HCRTR2: variants seen among roughly 807,000 people sequenced by gnomAD.
HCRTR2 encodes orexin receptor type 2.
HCRTR2 carries 22 observed loss-of-function variants against 49.0 expected under a neutral mutation model. The observed-to-expected ratio is 0.45, with a 90% CI of 0.32 to 0.64. The LOEUF (loss-of-function observed/expected upper bound fraction) is 0.64. HCRTR2 is among the 30% of genes least tolerant of loss of function. The probability of loss-of-function intolerance (pLI) is 0.04; values close to 1 mark genes in which losing one functional copy is unlikely to be tolerated. For missense variants in HCRTR2, 491 were observed against 559.4 expected (o/e 0.88, Z 1.23); for synonymous variants, 236 against 205.3 (o/e 1.15, Z -1.28).
intron 4 of HCRTR2, among the ~76,000 whole-genome samples, chr6:55,265,453 T>C (rs1766844026): frequency 6.6e-6 from 1 of 152,128 alleles, no homozygotes; most frequent in South Asian, 2.1e-4. Flanking sequence ...CAGAACCTAG[T>C]CTGAAGAAAT....
At chr6:55,152,448 T>C (rs1764676285) in intron 1 of HCRTR2, among the ~76,000 whole-genome samples, 1 of 152,070 alleles carries the variant, frequency 6.6e-6, no homozygotes, top group Non-Finnish European at 1.5e-5. Flanking sequence ...TCTTTTGCTA[T>C]AGAGTTGTAG....
chr6:55,275,303 T>C (rs1011354339), intron 4 of HCRTR2, among the ~76,000 whole-genome samples: 4 of 152,212 alleles, frequency 2.6e-5, no homozygotes, highest in Non-Finnish European at 2.9e-5. Context: ...TTAATCCTTC[T>C]CAGTGCCTGC....
chr6:55,161,099 C>G (rs556872709), intron 1 of HCRTR2, among the ~76,000 whole-genome samples: 1 of 152,214 alleles, frequency 6.6e-6, no homozygotes, highest in African/African-American at 2.4e-5. Context: ...GACTCCTCAG[C>G]AAATGCCAAA....
At chr6:55,191,893 A>G (rs1765322278) in intron 1 of HCRTR2, among the ~76,000 whole-genome samples, 1 of 152,154 alleles carries the variant, frequency 6.6e-6, no homozygotes, top group Non-Finnish European at 1.5e-5. Flanking sequence ...TTTCTTCAAT[A>G]TATTGGAGTT....
At chr6:55,174,022 G>T (rs1764989261), upstream of HCRTR2, among the ~76,000 whole-genome samples, 1 of 152,026 alleles carries the variant, frequency 6.6e-6, no homozygotes, top group Non-Finnish European at 1.5e-5. Flanking sequence ...GTATCAACAT[G>T]CTCTGTATTA....
At chr6:55,128,146 C>A (rs531449896) in intron 1 of HCRTR2, among the ~76,000 whole-genome samples, 1 of 152,272 alleles carries the variant, frequency 6.6e-6, no homozygotes, top group East Asian at 1.9e-4. Flanking sequence ...ATATGGCTGG[C>A]TAGTTATCCC....
intron 1 of HCRTR2, among the ~76,000 whole-genome samples, chr6:55,119,068 G>C (rs1289482593): frequency 6.6e-6 from 1 of 151,890 alleles, no homozygotes; most frequent in East Asian, 1.9e-4. Context: ...TTAGTTTACT[G>C]AGAATGATGG....
At chr6:55,277,749 C>G in intron 5 of HCRTR2, 149 bp downstream of exon 5, 1 of 683,918 alleles carries the variant, frequency 1.5e-6, no homozygotes, top group South Asian at 1.7e-5. Flanking sequence ...TATGTTGTTA[C>G]CAGCAGGTAA....
Position 55,174,637 on chromosome 6 carries a change from C to G in HCRTR2, c.50C>G (p.Ser17Cys). ...TCCCCCCCTTGTCGCAACTGGTCATCTGCTTCGGAGCTGAATGAAACTCAA... is the reference window on the plus strand; with the variant it reads ...TCCCCCCCTTGTCGCAACTGGTCATGTGCTTCGGAGCTGAATGAAACTCAA... Reference protein sequence around the residue: ...EDSPPCRNWSSASELNETQEP... With the variant: ...EDSPPCRNWSCASELNETQEP... The change falls in exon 1 of 7, where the codon TCT (serine) becomes TGT (cysteine). Residue 17 changes from serine (S) to cysteine (C), a missense_variant. Physicochemically the swap from Ser to Cys is moderately radical, Grantham distance 112 (BLOSUM62 -1). Coordinates refer to ENST00000370862, the MANE Select transcript of HCRTR2 (RefSeq NM_001384272.1). The G allele has an allele frequency of 6.2e-7, 1 of 1,614,098 alleles. No individual in the cohort carries two copies. Among genetic ancestry groups the G allele is most frequent in the East Asian group, 2.2e-5 (1 of 44,860 alleles).
chr6:55,226,370 A>G (rs1041802940), intron 1 of HCRTR2, among the ~76,000 whole-genome samples: 5 of 151,906 alleles, frequency 3.3e-5, no homozygotes, highest in Admixed American at 3.3e-4. Flanking sequence ...GTGCAATGGT[A>G]CCATTTCAGC....
chr6:55,253,303 G>C (rs1258817125), intron 2 of HCRTR2, among the ~76,000 whole-genome samples: 1 of 152,062 alleles, frequency 6.6e-6, no homozygotes, highest in Non-Finnish European at 1.5e-5. Context: ...ATCAGAGAGA[G>C]AGAACAGATA....
intron 1 of HCRTR2, among the ~76,000 whole-genome samples, chr6:55,197,846 C>A (rs1765445310): frequency 6.6e-6 from 1 of 152,054 alleles, no homozygotes; most frequent in Non-Finnish European, 1.5e-5. Flanking sequence ...TGGTCTCAAT[C>A]CCCTGACCTT....
At chr6:55,121,731 G>T (rs1764202651) in intron 1 of HCRTR2, among the ~76,000 whole-genome samples, 1 of 152,088 alleles carries the variant, frequency 6.6e-6, no homozygotes, top group Admixed American at 6.6e-5. Flanking sequence ...TGTGGTTTTT[G>T]TCTTTGGTTC....
chr6:55,241,039 T>C (rs925329691), intron 1 of HCRTR2, among the ~76,000 whole-genome samples: 2 of 151,778 alleles, frequency 1.3e-5, no homozygotes, highest in African/African-American at 2.4e-5. Flanking sequence ...TAGTTACATA[T>C]GTATACATGT....
At chr6:55,143,666 A>G (rs1764540155) in intron 1 of HCRTR2, among the ~76,000 whole-genome samples, 1 of 152,228 alleles carries the variant, frequency 6.6e-6, no homozygotes, top group East Asian at 1.9e-4. Flanking sequence ...CTTTCCAAAT[A>G]CTTGACTTTT....
intron 1 of HCRTR2, among the ~76,000 whole-genome samples, chr6:55,156,562 C>T (rs559285673): frequency 6.6e-6 from 1 of 151,842 alleles, no homozygotes; most frequent in East Asian, 1.9e-4. Context: ...CTCTCTTTCT[C>T]TCTCTCTGAG....
At chr6:55,229,754 C>T (rs1766079766) in intron 1 of HCRTR2, among the ~76,000 whole-genome samples, 1 of 152,108 alleles carries the variant, frequency 6.6e-6, no homozygotes, top group Non-Finnish European at 1.5e-5. Context: ...TGAGGAACTG[C>T]TGTCCAATGA....
chr6:55,227,141 T>A (rs1377665239), intron 1 of HCRTR2, among the ~76,000 whole-genome samples: 2 of 151,384 alleles, frequency 1.3e-5, no homozygotes, highest in African/African-American at 4.9e-5. Context: ...GATTTTTTTT[T>A]AATCCATGTG....
chr6:55,186,486 T>C (rs1321481110), intron 1 of HCRTR2, among the ~76,000 whole-genome samples: 1 of 152,238 alleles, frequency 6.6e-6, no homozygotes, highest in East Asian at 1.9e-4. Flanking sequence ...CTAAGTGATT[T>C]ATACTATGCA....
Sources: gnomAD v4.1 joint callset for allele counts (sites outside exome capture counted in the v4.1 genomes callset) on GRCh38, gnomAD v4.1.1 for gene constraint, MANE v1.5 for transcripts, NCBI Gene and HGNC (gene_info 2026-07-23, HGNC 2026-07-21) for gene names.